ZFHX3: variants seen among roughly 807,000 people sequenced by gnomAD.
The protein encoded by ZFHX3 is zinc finger homeobox 3.
ZFHX3 carries 42 observed loss-of-function variants against 279.1 expected under a neutral mutation model. That is an observed-to-expected ratio of 0.15 (90% confidence interval 0.12 to 0.19). The LOEUF (loss-of-function observed/expected upper bound fraction) is 0.19, where lower values mean the gene tolerates loss of function less well. Among genes scored for constraint, ZFHX3 ranks in the 10% least tolerant of loss-of-function variants. ZFHX3 has a pLI of 1.00. For synonymous variants in ZFHX3, 2,293 were observed against 1,957.8 expected (o/e 1.17, Z -4.52); for missense variants, 4,981 against 4,754.0 (o/e 1.05, Z -1.40).
intron 2 of ZFHX3, among the ~76,000 whole-genome samples, chr16:73,579,147 T>C (rs1211999446): frequency 1.3e-5 from 2 of 152,232 alleles, no homozygotes; most frequent in South Asian, 2.1e-4. Context: ...CAGACATCAC[T>C]TTCTATTGAT....
intron 4 of ZFHX3, among the ~76,000 whole-genome samples, chr16:72,882,595 C>T (rs1329810316): frequency 3.3e-5 from 5 of 152,272 alleles, no homozygotes; most frequent in Middle Eastern, 3.4e-3. Context: ...AACCCACTGC[C>T]CACCTGACCA....
chr16:72,799,620 A>C (rs1252725783), intron 8 of ZFHX3, among the ~76,000 whole-genome samples: 4 of 152,140 alleles, frequency 2.6e-5, no homozygotes, highest in Non-Finnish European at 5.9e-5. Flanking sequence ...ATCCCAAAAA[A>C]CTCAGAACGA....
At chr16:73,222,520 A>G (rs187079027) in intron 5 of ZFHX3, among the ~76,000 whole-genome samples, 39 of 152,264 alleles carry the variant, frequency 2.6e-4, no homozygotes, top group African/African-American at 8.4e-4. Context: ...CAAAATATGT[A>G]CAGGATCTAG....
chr16:73,452,910 C>A (rs1004157821), intron 3 of ZFHX3, among the ~76,000 whole-genome samples: 3 of 152,212 alleles, frequency 2.0e-5, no homozygotes, highest in African/African-American at 7.2e-5. Flanking sequence ...TAAGACTTGA[C>A]CTAAATCTCT....
intron 5 of ZFHX3, among the ~76,000 whole-genome samples, chr16:73,201,694 C>T (rs998564694): frequency 6.6e-6 from 1 of 152,164 alleles, no homozygotes; most frequent in African/African-American, 2.4e-5. Flanking sequence ...AAGAGAGAAG[C>T]TGAAAAATCC....
chr16:73,695,849 T>C (rs1459425673), intron 1 of ZFHX3, among the ~76,000 whole-genome samples: 1 of 151,990 alleles, frequency 6.6e-6, no homozygotes, highest in Non-Finnish European at 1.5e-5. Context: ...CTGCCTTCTC[T>C]CCCACTCACA....
rs12599442 is a variant in ZFHX3, at chr16:72,795,731, A to G, written c.6951T>C (p.Asn2317=). ...AGTTGCTTGTTCGAATGTATCTATC[A>G]TTTGTAAGCTCACGCCGCTCTCCAT... ...GKDGERRELT[N]DRYIRTSNLN... is the part of the protein sequence containing the mutation. Residue 2317 remains asparagine, a synonymous_variant, in exon 9 of 10, where the codon AAT becomes AAC. Transcript: ENST00000268489. 0.023 allele frequency: 37,564 copies of G among 1,613,972 alleles called. 5,281 individuals are homozygous for G. In the Admixed American group the frequency reaches 0.29, roughly 13 times the overall value.
At chr16:73,698,966 C>A (rs765115054) in intron 1 of ZFHX3, among the ~76,000 whole-genome samples, 5 of 152,116 alleles carry the variant, frequency 3.3e-5, no homozygotes, top group African/African-American at 1.2e-4. Flanking sequence ...CTTACTGCAA[C>A]CTCCACCTCC....
chr16:72,946,304 A>T (rs1273604129), intron 3 of ZFHX3, among the ~76,000 whole-genome samples: 1 of 152,144 alleles, frequency 6.6e-6, no homozygotes, highest in African/African-American at 2.4e-5. Flanking sequence ...ACAGCAGCTC[A>T]CATGTGGCCC....
At chr16:72,833,019 A>T (rs1490092984) in intron 4 of ZFHX3, among the ~76,000 whole-genome samples, 1 of 152,264 alleles carries the variant, frequency 6.6e-6, no homozygotes, top group Non-Finnish European at 1.5e-5. Flanking sequence ...AGAAATGATT[A>T]AAAAACAGAG....
chr16:73,007,351 A>C (rs1963746252), intron 1 of ZFHX3, among the ~76,000 whole-genome samples: 1 of 152,156 alleles, frequency 6.6e-6, no homozygotes, highest in Admixed American at 6.5e-5. Context: ...CTATTCCCTG[A>C]AACAGTGTAT....
chr16:72,832,153 G>A (rs2037075578), intron 4 of ZFHX3, among the ~76,000 whole-genome samples: 1 of 152,092 alleles, frequency 6.6e-6, no homozygotes. Flanking sequence ...ACCCACTGGG[G>A]GGCCATCTCC....
chr16:73,147,289 T>G (rs999792205), intron 5 of ZFHX3, among the ~76,000 whole-genome samples: 1 of 152,178 alleles, frequency 6.6e-6, no homozygotes, highest in Admixed American at 6.5e-5. Flanking sequence ...TGTTAGACTG[T>G]TAGACAAATT....
At chr16:73,283,428 C>A (rs2143069699) in intron 4 of ZFHX3, among the ~76,000 whole-genome samples, 1 of 152,286 alleles carries the variant, frequency 6.6e-6, no homozygotes, top group Non-Finnish European at 1.5e-5. Context: ...TGGCCATGAT[C>A]CATTTCTGGT....
chr16:72,813,454 C>G (rs888967930), intron 5 of ZFHX3, among the ~76,000 whole-genome samples: 1 of 152,086 alleles, frequency 6.6e-6, no homozygotes, highest in Non-Finnish European at 1.5e-5. Context: ...CATAAGGCCA[C>G]AATATAATTT....
chr16:73,281,168 G>C (rs1359489898), intron 4 of ZFHX3, among the ~76,000 whole-genome samples: 2 of 152,146 alleles, frequency 1.3e-5, no homozygotes, highest in Non-Finnish European at 2.9e-5. Context: ...ATGATGGAAA[G>C]ATATCTGCAC....
At chr16:73,796,501 T>C (rs944514613) in intron 1 of ZFHX3, 8 of 152,174 alleles carry the variant, frequency 5.3e-5, no homozygotes, top group African/African-American at 1.9e-4. Context: ...TCAGAATGAG[T>C]ACACATGTCA....
At chr16:72,919,777 CTTTTTTTTTTTTTTTTT>C (rs532405250) in intron 3 of ZFHX3, among the ~76,000 whole-genome samples, 3 of 42,262 alleles carry the variant, frequency 7.1e-5, no homozygotes, top group Admixed American at 4.9e-4. Flanking sequence ...TATGCACCAT[CTTTTTTTTTTTTTTTTT>C]TTTTTTTTTT....
In ZFHX3 at chr16:72,893,851, T is replaced by TA. The variant is rs199972710; in HGVS notation, c.3217-3890dup. ...TTCCAAGTTTATTCTCCAAAACACT[T>TA]AAAAAAATCCAGAATAGGCCGGATG... On this transcript the variant is annotated intron_variant, in intron 3 of 9. Transcript: ENST00000268489. Among the ~76,000 whole-genome samples the TA allele has an allele frequency of 5.1e-4, 77 of 152,146 alleles. No individual in the cohort carries two copies. The East Asian group carries it at 0.012, about 24-fold the overall frequency.
Sources: allele counts gnomAD v4.1 joint callset (sites outside exome capture counted in the v4.1 genomes callset), GRCh38; gene constraint gnomAD v4.1.1; transcripts MANE v1.5; gene names NCBI Gene and HGNC (gene_info 2026-07-23, HGNC 2026-07-21).